The following NUTM2D variants were observed in gnomAD, a reference collection of about 807,000 sequenced individuals.
NUTM2D encodes the protein NUT family member 2A pseudogene.
NUTM2D carries 2 observed loss-of-function variants against 43.5 expected under a neutral mutation model. That is an observed-to-expected ratio of 0.05 (90% confidence interval 0.02 to 0.14). The LOEUF is 0.14. Among genes scored for constraint, NUTM2D ranks in the 10% least tolerant of loss-of-function variants. The pLI is 1.00. For synonymous variants in NUTM2D, 24 were observed against 276.6 expected (o/e 0.09, Z 9.06); for missense variants, 48 against 668.7 (o/e 0.07, Z 10.24).
At chr10:87,358,651 GA>G (rs202083089) in intron 1 of NUTM2D, among the ~76,000 whole-genome samples, 11,567 of 135,214 alleles carry the variant, frequency 0.086, 3 homozygotes, top group East Asian at 0.41. Context: ...ATGCCTGGGG[GA>G]ATACACCGTG....
At chr10:87,362,826 C>G (rs1403171197) in intron 2 of NUTM2D, among the ~76,000 whole-genome samples, 2 of 152,078 alleles carry the variant, frequency 1.3e-5, no homozygotes, top group East Asian at 3.8e-4. Context: ...CTGATTGCCT[C>G]CAAATACTGA....
At chr10:87,370,388 C>T (rs1339721268), downstream of NUTM2D, 2 of 152,176 alleles carry the variant, frequency 1.3e-5, no homozygotes, top group Non-Finnish European at 2.9e-5. Flanking sequence ...AGACTGTTCC[C>T]AGTGTACATG....
At chr10:87,367,448 C>G, downstream of NUTM2D, 8 of 1,482,850 alleles carry the variant, frequency 5.4e-6, no homozygotes, top group Non-Finnish European at 7.5e-6. Flanking sequence ...GCCCCCTCAT[C>G]GTTATCAGCA....
At chr10:87,367,363 C>A (rs762668052), downstream of NUTM2D, 1 of 1,606,890 alleles carries the variant, frequency 6.2e-7, no homozygotes, top group Admixed American at 1.7e-5. Context: ...CAGGGACTGA[C>A]AGATGCTGAG....
chr10:87,361,023 G>A lies in NUTM2D; in HGVS notation c.709G>A (p.Gly237Ser), dbSNP rs200537026. 372 of 1,095,650 alleles carry A rather than the reference G, an allele frequency of 3.4e-4. 22 individuals are homozygous for A. Among genetic ancestry groups the A allele is most frequent in the East Asian group, 1.1e-3 (40 of 37,732 alleles). 67.9% of individuals were successfully genotyped at this position (1,095,650 alleles called of 1,614,324 possible). Residue 237 changes from glycine (G) to serine (S), a missense_variant, in exon 2 of 7, where the codon GGC becomes AGC. Physicochemically the swap from Gly to Ser is moderately conservative, Grantham distance 56. Coordinates refer to ENST00000381697, the MANE Select transcript of NUTM2D (RefSeq NM_001382304.1). ...GPWPQGAHGE[G>S]SLASSQAKAP... ...ATGGCCACAAGGGGCTCACGGAGAG[G>A]GCAGCCTGGCTTCCTCCCAGGCCAA...
chr10:87,365,274 C>T (rs1850283892), intron 5 of NUTM2D, 71 bp downstream of exon 5: 2 of 1,549,822 alleles, frequency 1.3e-6, no homozygotes, highest in East Asian at 2.3e-5. Context: ...TGGAATTAAG[C>T]TCTGTTCCTT....
At position 87,365,396 on chromosome 10, in the gene NUTM2D, G is replaced by T. The variant is rs529846505; in HGVS notation, c.1518+193G>T. On this transcript the variant is annotated intron_variant, in intron 5 of 6. Coordinates refer to ENST00000381697, the MANE Select transcript of NUTM2D (RefSeq NM_001382304.1). ...CTGTGGTTTGTTACTGTGTGTCTTTGTGTGTCTGTGTGGGTGTGAGTGTGG... is the reference window on the plus strand; with the variant it reads ...CTGTGGTTTGTTACTGTGTGTCTTTTTGTGTCTGTGTGGGTGTGAGTGTGG... Among the ~76,000 whole-genome samples, 42 of 150,014 alleles carry T rather than the reference G, an allele frequency of 2.8e-4. 1 individual carries two copies. Among genetic ancestry groups the T allele is most frequent in the African/African-American group, 9.5e-4 (39 of 40,982 alleles).
downstream of NUTM2D, chr10:87,369,776 C>T (rs1441973989): frequency 1.3e-5 from 2 of 150,668 alleles, no homozygotes; most frequent in South Asian, 2.1e-4. Context: ...CCTCCCTGCT[C>T]ACACACCCAG....
At chr10:87,369,692 T>C (rs955161978), downstream of NUTM2D, 2 of 151,330 alleles carry the variant, frequency 1.3e-5, no homozygotes, top group African/African-American at 2.4e-5. Flanking sequence ...TGTCATCGCA[T>C]CCACACTTGG....
downstream of NUTM2D, chr10:87,368,960 T>C (rs1192178670): frequency 8.9e-6 from 1 of 111,842 alleles, no homozygotes; most frequent in Non-Finnish European, 1.9e-5. Flanking sequence ...ACCTTGGGGC[T>C]CCTGCTGGTT....
chr10:87,360,735 C>G lies in NUTM2D; in HGVS notation c.421C>G (p.Pro141Ala). 3.5e-6 allele frequency: 2 copies of G among 567,352 alleles called. No individual in the cohort carries two copies. Among genetic ancestry groups the G allele is most frequent in the Non-Finnish European group, 4.6e-6 (2 of 433,282 alleles). The allele number at this position is 567,352 out of a possible 1,614,324, so 35.1% of individuals were successfully genotyped here. ...VFVQMRTEVG[P>A]VKAAQAQTLV... ...TGTCCAGATGAGGACAGAGGTGGGG[C>G]CTGTGAAGGCCGCTCAGGCGCAGAC... The change falls in exon 2 of 7, where the codon CCT (proline) becomes GCT (alanine). Residue 141 changes from proline (P) to alanine (A), a missense_variant. Physicochemically the swap from Pro to Ala is conservative, Grantham distance 27. Transcript: ENST00000381697.
At chr10:87,359,816 G>A (rs1382904956) in intron 1 of NUTM2D, among the ~76,000 whole-genome samples, 11 of 151,724 alleles carry the variant, frequency 7.3e-5, no homozygotes, top group African/African-American at 1.2e-4. Flanking sequence ...CGAGTACTGC[G>A]GAAAGGGTGG....
In NUTM2D at chr10:87,362,748, G is replaced by A. The variant is rs1443698256; in HGVS notation, c.867-390G>A. 4.2e-5 allele frequency among the ~76,000 whole-genome samples: 6 copies of A among 144,088 alleles called. No individual in the cohort carries two copies. In the East Asian group the frequency reaches 8.3e-4, roughly 20 times the overall value. 94.5% of individuals were successfully genotyped at this position (144,088 alleles called of 152,430 possible). On this transcript the variant is annotated intron_variant, in intron 2 of 6. Transcript: ENST00000381697. ...CGTGGCTGAGAGCAAGAGCCCTGGC[G>A]TCTCCTTCTGCCCTTATCAGGGCTT...
intron 1 of NUTM2D, among the ~76,000 whole-genome samples, chr10:87,359,449 T>G (rs1428281417): frequency 2.2e-4 from 2 of 9,114 alleles, no homozygotes; most frequent in East Asian, 2.3e-3. Context: ...TCCCCTTGAC[T>G]AGAGACTGCA....
intron 1 of NUTM2D, among the ~76,000 whole-genome samples, chr10:87,359,889 G>C (rs527349054): frequency 4.5e-4 from 68 of 152,354 alleles, no homozygotes; most frequent in African/African-American, 1.6e-3. Context: ...CTTGCATGCT[G>C]GGCATGACAG....
At chr10:87,370,023 T>C (rs1716426693), downstream of NUTM2D, 1 of 152,156 alleles carries the variant, frequency 6.6e-6, no homozygotes, top group African/African-American at 2.4e-5. Context: ...GATTCTAACT[T>C]CAGCGTTGCA....
At position 87,358,437 on chromosome 10, in the gene NUTM2D, C is replaced by T. The variant is rs368200489; in HGVS notation, c.166+6C>T. 8.4e-5 allele frequency: 136 copies of T among 1,613,812 alleles called. No homozygotes were observed. In the Middle Eastern group the frequency reaches 1.2e-3, roughly 14 times the overall value. On this transcript the variant is annotated splice_donor_region_variant and intron_variant, in intron 1 of 6. Transcript: ENST00000381697. ...GGGGATGGCTTCAAATGGAGGTAAG[C>T]CTGTAGGGATGGGGGCATTATCTGA... is the stretch of plus-strand genomic sequence containing the variant.
At chr10:87,370,431 G>T (rs1170620406), downstream of NUTM2D, 1 of 152,134 alleles carries the variant, frequency 6.6e-6, no homozygotes, top group Non-Finnish European at 1.5e-5. Context: ...CTGTGTGAGG[G>T]TCCCAGCGTC....
chr10:87,364,885 G>T lies in NUTM2D; in HGVS notation c.1200G>T (p.Gln400His). The T allele has an allele frequency of 1.4e-6, 1 of 694,632 alleles. No homozygotes were observed. The highest frequency in any genetic ancestry group is 3.8e-5 in the African/African-American group (1 of 26,134). 43.0% of individuals were successfully genotyped at this position (694,632 alleles called of 1,614,324 possible). A position where few individuals can be genotyped will look rare whatever the true frequency, so the allele number is the denominator to read the frequency against. Residue 400 changes from glutamine to histidine, a missense_variant, in exon 5 of 7, where the codon CAG becomes CAT. By Grantham distance (24) the Gln-to-His change is conservative. Coordinates refer to ENST00000381697, the MANE Select transcript of NUTM2D (RefSeq NM_001382304.1). ...PTACLPPPRP[Q>H]RPVTKARRPP... ...CCTGCCTGCCACCACCCAGGCCCCA[G>T]AGGCCAGTGACCAAGGCCCGCCGGC...
Sources: gnomAD v4.1 joint callset for allele counts (sites outside exome capture counted in the v4.1 genomes callset) on GRCh38, gnomAD v4.1.1 for gene constraint, MANE v1.5 for transcripts, NCBI Gene and HGNC (gene_info 2026-07-23, HGNC 2026-07-21) for gene names.